RAPGEF5: variants seen among roughly 807,000 people sequenced by gnomAD.
RAPGEF5 encodes Rap guanine nucleotide exchange factor 5.
RAPGEF5 carries 65 observed loss-of-function variants against 125.2 expected under a neutral mutation model. That is an observed-to-expected ratio of 0.52 (90% confidence interval 0.43 to 0.64). The LOEUF (loss-of-function observed/expected upper bound fraction) is 0.64. RAPGEF5 is among the 30% of genes least tolerant of loss of function. RAPGEF5 has a pLI of 0.00. For synonymous variants in RAPGEF5, 391 were observed against 385.9 expected, an observed-to-expected ratio of 1.01 and a Z score of -0.16; for missense variants, 958 against 1,048.1, an observed-to-expected ratio of 0.91 and a Z score of 1.19.
chr7:22,229,529 A>G (rs1035068365), intron 8 of RAPGEF5, among the ~76,000 whole-genome samples: 1 of 152,218 alleles, frequency 6.6e-6, no homozygotes, highest in Non-Finnish European at 1.5e-5. Flanking sequence ...AATCAAATAA[A>G]TTGTACATAT....
At chr7:22,191,236 C>A (rs1043633499) in intron 11 of RAPGEF5, among the ~76,000 whole-genome samples, 6 of 152,066 alleles carry the variant, frequency 3.9e-5, no homozygotes, top group Admixed American at 1.3e-4. Flanking sequence ...TATTATATTT[C>A]TTATAATCTT....
chr7:22,125,510 A>G (rs1341631707), intron 25 of RAPGEF5, 94 bp downstream of exon 25: 5 of 1,198,946 alleles, frequency 4.2e-6, no homozygotes, highest in Non-Finnish European at 6.2e-6. Context: ...ATACTTTTCA[A>G]TCTGTTTAAA....
intron 1 of RAPGEF5, among the ~76,000 whole-genome samples, chr7:22,328,177 CAA>C (rs1381117191): frequency 6.6e-6 from 1 of 152,170 alleles, no homozygotes; most frequent in East Asian, 1.9e-4. Flanking sequence ...CTCTACATAC[CAA>C]GAGAGAACCC....
rs17146347 is a variant in RAPGEF5, at chr7:22,165,664, A to G, written c.1283+1406T>C. On this transcript the variant is annotated intron_variant, in intron 12 of 25. Coordinates refer to ENST00000665637, the MANE Select transcript of RAPGEF5 (RefSeq NM_012294.5). Reference sequence around the variant, plus strand: ...AGGATATAGTAAAGCACTAAAAGTAATCATCATTTCCAGTTATTTATTTTT... The same window carrying G: ...AGGATATAGTAAAGCACTAAAAGTAGTCATCATTTCCAGTTATTTATTTTT... 7.7e-3 allele frequency among the ~76,000 whole-genome samples: 1,169 copies of G among 152,284 alleles called. 18 individuals are homozygous for G. Among genetic ancestry groups the G allele is most frequent in the African/African-American group, 0.025 (1,054 of 41,556 alleles).
intron 3 of RAPGEF5, among the ~76,000 whole-genome samples, chr7:22,311,416 A>C (rs1048626569): frequency 1.3e-5 from 2 of 152,216 alleles, no homozygotes; most frequent in Admixed American, 1.3e-4. Context: ...AAAGTAGAAA[A>C]ATATTGCCTA....
intron 9 of RAPGEF5, chr7:22,194,773 T>C: frequency 2.0e-6 from 2 of 985,154 alleles, no homozygotes; most frequent in Non-Finnish European, 2.4e-6. Context: ...CACAGATTCA[T>C]TTCTGCACAC....
chr7:22,353,157 A>G (rs150001723), intron 1 of RAPGEF5, among the ~76,000 whole-genome samples: 1 of 152,348 alleles, frequency 6.6e-6, no homozygotes, highest in African/African-American at 2.4e-5. Context: ...ACATCACCAC[A>G]AGGAATCAGT....
intron 25 of RAPGEF5, 38 bp from the exon 26 acceptor site, chr7:22,122,559 A>G: frequency 1.4e-6 from 2 of 1,459,348 alleles, no homozygotes; most frequent in Non-Finnish European, 1.9e-6. Context: ...ATCTCAGGAG[A>G]GCAGTAATGC....
At chr7:22,324,647 G>T (rs544208344) in intron 1 of RAPGEF5, among the ~76,000 whole-genome samples, 2 of 152,204 alleles carry the variant, frequency 1.3e-5, no homozygotes, top group East Asian at 3.9e-4. Context: ...CACAAATGTG[G>T]TCTCAAAAAT....
chr7:22,258,329 T>C lies in RAPGEF5; in HGVS notation c.796+8635A>G, dbSNP rs144342751. ...AGACAGTGTGGTATTGTTGAAAGAA[T>C]AGACAAACAGGCCAGGTACGGTGGC... On this transcript the variant is annotated intron_variant, in intron 7 of 25. Coordinates refer to ENST00000665637, the MANE Select transcript of RAPGEF5 (RefSeq NM_012294.5). Among the ~76,000 whole-genome samples, 180 of 152,164 alleles carry C rather than the reference T, an allele frequency of 1.2e-3. 1 individual carries two copies. Among genetic ancestry groups the C allele is most frequent in the African/African-American group, 7.5e-4 (31 of 41,524 alleles).
chr7:22,305,323 T>C (rs1345133689), intron 5 of RAPGEF5, among the ~76,000 whole-genome samples: 5 of 152,208 alleles, frequency 3.3e-5, no homozygotes, highest in Admixed American at 3.3e-4. Context: ...CACAGTCTCA[T>C]CAATATTCTG....
At chr7:22,179,341 G>A (rs979441503) in intron 11 of RAPGEF5, among the ~76,000 whole-genome samples, 2 of 152,098 alleles carry the variant, frequency 1.3e-5, no homozygotes, top group African/African-American at 2.4e-5. Context: ...TCTCAAACAT[G>A]AAATCAACAG....
chr7:22,166,830 C>T (rs1043984861), intron 12 of RAPGEF5, among the ~76,000 whole-genome samples: 21 of 152,150 alleles, frequency 1.4e-4, no homozygotes, highest in African/African-American at 1.7e-4. Context: ...AGATGTGAAG[C>T]GAACATAATA....
At chr7:22,254,449 A>G (rs2128138968) in intron 7 of RAPGEF5, among the ~76,000 whole-genome samples, 1 of 150,390 alleles carries the variant, frequency 6.6e-6, no homozygotes, top group African/African-American at 2.4e-5. Context: ...TCTCTACTGA[A>G]AAAAAAAAAT....
intron 9 of RAPGEF5, among the ~76,000 whole-genome samples, chr7:22,215,782 T>C (rs1785622923): frequency 1.3e-5 from 2 of 152,324 alleles, no homozygotes; most frequent in South Asian, 4.1e-4. Context: ...AGAGATTCTC[T>C]CTGTTTAAGG....
In RAPGEF5 at chr7:22,291,183, T is replaced by C; in HGVS notation, c.739A>G (p.Thr247Ala). The part of the protein sequence containing the change: ...ESSDEILVRL[T>A]SAVQRELAAV... ...AAATTGCATGGTCTTACCGCAGATG[T>C]TAGACGCACAAGAATTTCATCACTG... The change falls in exon 6 of 26, where the codon ACA (threonine) becomes GCA (alanine). Residue 247 changes from threonine to alanine, a missense_variant. By Grantham distance (58) the Thr-to-Ala change is moderately conservative. Transcript: ENST00000665637. 6.3e-7 allele frequency: 1 copy of C among 1,591,704 alleles called. No homozygotes were observed. The highest frequency in any genetic ancestry group is 8.5e-7 in the Non-Finnish European group (1 of 1,170,010).
intron 7 of RAPGEF5, among the ~76,000 whole-genome samples, chr7:22,242,027 C>T (rs1466951171): frequency 1.3e-5 from 2 of 152,186 alleles, no homozygotes; most frequent in Non-Finnish European, 2.9e-5. Flanking sequence ...AAGTTCAAGG[C>T]TGTCCCCATA....
At chr7:22,254,570 T>C (rs1583520984) in intron 7 of RAPGEF5, among the ~76,000 whole-genome samples, 1 of 145,890 alleles carries the variant, frequency 6.9e-6, no homozygotes, top group Non-Finnish European at 1.5e-5. Context: ...ATCGCGCCAT[T>C]GCACTCCAGC....
At chr7:22,261,954 A>G (rs545675963) in intron 7 of RAPGEF5, among the ~76,000 whole-genome samples, 1 of 152,324 alleles carries the variant, frequency 6.6e-6, no homozygotes, top group Non-Finnish European at 1.5e-5. Context: ...TAAAACTTTC[A>G]GGGGAAGAAA....
Sources: allele counts gnomAD v4.1 joint callset (sites outside exome capture counted in the v4.1 genomes callset), GRCh38; gene constraint gnomAD v4.1.1; transcripts MANE v1.5; gene names NCBI Gene and HGNC (gene_info 2026-07-23, HGNC 2026-07-21).